VAT1L: variants seen among roughly 807,000 people sequenced by gnomAD.
VAT1L encodes vesicle amine transport 1 like.
Under a neutral mutation model 44.1 loss-of-function variants are expected in VAT1L, and 34 were observed. That is an observed-to-expected ratio of 0.77 (90% CI 0.59 to 1.03). The LOEUF is 1.03. Among genes scored for constraint, VAT1L ranks in the 50% least tolerant of loss-of-function variants. The pLI, the probability that VAT1L is intolerant of heterozygous loss-of-function variation, is 0.00. For missense variants in VAT1L, 615 were observed against 538.8 expected (o/e 1.14, Z -1.40); for synonymous variants, 253 against 202.2 (o/e 1.25, Z -2.13).
At chr16:77,901,572 A>AC (rs2017383944) in intron 7 of VAT1L, among the ~76,000 whole-genome samples, 1 of 152,186 alleles carries the variant, frequency 6.6e-6, no homozygotes, top group African/African-American at 2.4e-5. Context: ...AGTGCCTCTT[A>AC]CTTAGTCTCC....
intron 4 of VAT1L, among the ~76,000 whole-genome samples, chr16:77,872,786 C>T (rs1012960444): frequency 3.9e-5 from 6 of 152,208 alleles, no homozygotes; most frequent in Non-Finnish European, 8.8e-5. Context: ...CCTTGTACAC[C>T]ATGAGCTCCT....
Position 77,977,923 on chromosome 16 carries a change from C to G in VAT1L, c.*228C>G, listed in dbSNP as rs113048595. 27 of 484,196 alleles carry G rather than the reference C, an allele frequency of 5.6e-5. No individual in the cohort carries two copies. The highest frequency in any genetic ancestry group is 6.0e-4 in the Middle Eastern group (1 of 1,654). 30.0% of individuals were successfully genotyped at this position (484,196 alleles called of 1,614,324 possible). Reference sequence around the variant, plus strand: ...ATCTGTGTATTACACATTCCCCTCTCCCCTGTATCAAAACCATCCATCTGT... The same window carrying G: ...ATCTGTGTATTACACATTCCCCTCTGCCCTGTATCAAAACCATCCATCTGT... On this transcript the variant is annotated 3_prime_UTR_variant, in exon 9 of 9. Transcript: ENST00000302536.
At position 77,834,253 on chromosome 16, in the gene VAT1L, C is replaced by T. The variant is rs967326170; in HGVS notation, c.579+8792C>T. Among the ~76,000 whole-genome samples, 54 of 152,236 alleles carry T rather than the reference C, an allele frequency of 3.5e-4. 1 individual carries two copies. The highest frequency in any genetic ancestry group is 1.2e-3 in the African/African-American group (51 of 41,548). ...CTATTTCTCCTTACTTCAGTAATAC[C>T]GAAGGACTTGCAGCCTCTGTAAGGT... On this transcript the variant is annotated intron_variant, in intron 3 of 8. Coordinates refer to ENST00000302536, the MANE Select transcript of VAT1L (RefSeq NM_020927.3).
intron 7 of VAT1L, among the ~76,000 whole-genome samples, chr16:77,925,254 A>T (rs2017653532): frequency 6.6e-6 from 1 of 151,904 alleles, no homozygotes; most frequent in African/African-American, 2.4e-5. Context: ...TAAATTTTAC[A>T]CCCCCTGGTC....
chr16:77,892,457 C>T (rs530652532), intron 7 of VAT1L: 12 of 501,522 alleles, frequency 2.4e-5, no homozygotes, highest in South Asian at 1.1e-4. Flanking sequence ...GTTGACAGTG[C>T]GGTTGATGGT....
chr16:77,902,726 G>A (rs1487821032), intron 7 of VAT1L, among the ~76,000 whole-genome samples: 1 of 87,076 alleles, frequency 1.1e-5, no homozygotes, highest in East Asian at 4.1e-4. Flanking sequence ...GAGGCCGATG[G>A]GGGGGTGGGG....
At chr16:77,809,232 T>C (rs2016221026) in intron 1 of VAT1L, among the ~76,000 whole-genome samples, 1 of 152,224 alleles carries the variant, frequency 6.6e-6, no homozygotes, top group Non-Finnish European at 1.5e-5. Context: ...TTGTTTATGG[T>C]TGTTGTAAAA....
intron 7 of VAT1L, among the ~76,000 whole-genome samples, chr16:77,915,161 C>T (rs183979505): frequency 9.2e-5 from 14 of 152,022 alleles, no homozygotes; most frequent in Non-Finnish European, 1.6e-4. Context: ...GAATGCAACT[C>T]AATTTGTCAA....
At chr16:77,838,372 T>C (rs1445587407) in intron 3 of VAT1L, among the ~76,000 whole-genome samples, 1 of 152,216 alleles carries the variant, frequency 6.6e-6, no homozygotes, top group African/African-American at 2.4e-5. Flanking sequence ...GCGTGGTCTC[T>C]GTTCTCACTG....
At chr16:77,832,968 A>G (rs866193900) in intron 3 of VAT1L, among the ~76,000 whole-genome samples, 36 of 152,338 alleles carry the variant, frequency 2.4e-4, no homozygotes, top group African/African-American at 8.4e-4. Flanking sequence ...GCATCACCGC[A>G]GGAGTATATT....
intron 4 of VAT1L, among the ~76,000 whole-genome samples, chr16:77,873,821 G>C (rs113182282): frequency 1.3e-5 from 2 of 152,278 alleles, no homozygotes; most frequent in African/African-American, 2.4e-5. Flanking sequence ...GGGATAGGCT[G>C]TCCAGGCAGA....
intron 3 of VAT1L, among the ~76,000 whole-genome samples, chr16:77,860,769 T>C (rs1423750043): frequency 6.6e-6 from 1 of 152,322 alleles, no homozygotes; most frequent in Admixed American, 6.5e-5. Flanking sequence ...ATCAATGCTA[T>C]TCTTAGGACA....
At chr16:77,901,271 C>A (rs1298082262) in intron 7 of VAT1L, among the ~76,000 whole-genome samples, 7 of 146,646 alleles carry the variant, frequency 4.8e-5, no homozygotes, top group Non-Finnish European at 7.4e-5. Context: ...TCATGCCATT[C>A]TCCTGCCTCA....
chr16:77,836,544 C>T (rs2016640747), intron 3 of VAT1L, among the ~76,000 whole-genome samples: 1 of 152,216 alleles, frequency 6.6e-6, no homozygotes, highest in Non-Finnish European at 1.5e-5. Flanking sequence ...GGGAAACAGG[C>T]CTTTGCCTTC....
intron 7 of VAT1L, among the ~76,000 whole-genome samples, chr16:77,918,415 A>T (rs1349335910): frequency 6.6e-6 from 1 of 152,102 alleles, no homozygotes; most frequent in Non-Finnish European, 1.5e-5. Context: ...AGTCTCTTGA[A>T]TCTAGTCCTT....
intron 1 of VAT1L, chr16:77,800,431 A>C (rs1227051959): frequency 1.3e-5 from 2 of 152,198 alleles, no homozygotes; most frequent in African/African-American, 4.8e-5. Flanking sequence ...ATGGATGTTA[A>C]AATCATAAAC....
Position 77,900,143 on chromosome 16 carries a change from T to TA in VAT1L, c.1077+15342dup, listed in dbSNP as rs775822003. ...CCACAGAGATAGGCAGGACAGGTGTTATGTTCATTACACAGATATGTGTGT... is the reference window on the plus strand; with the variant it reads ...CCACAGAGATAGGCAGGACAGGTGTTAATGTTCATTACACAGATATGTGTGT... On this transcript the variant is annotated intron_variant, in intron 7 of 8. Coordinates refer to ENST00000302536, the MANE Select transcript of VAT1L (RefSeq NM_020927.3). Among the ~76,000 whole-genome samples, 12 of 152,314 alleles carry TA rather than the reference T, an allele frequency of 7.9e-5. No homozygotes were observed. The East Asian group carries it at 2.1e-3, about 27-fold the overall frequency.
In VAT1L at chr16:77,977,802, CGT is replaced by C; in HGVS notation, c.*110_*111del. ...ACAAATGCTGTAGTCCAGTGCGTGT[CGT>C]GTTTGTCTGCAGTCAGCTGAGCTAA... is the stretch of plus-strand genomic sequence containing the variant. On this transcript the variant is annotated 3_prime_UTR_variant, in exon 9 of 9. Transcript: ENST00000302536. The C allele has an allele frequency of 1.8e-6, 2 of 1,098,084 alleles. No homozygotes were observed. The highest frequency in any genetic ancestry group is 5.2e-5 in the East Asian group (2 of 38,474). 68.0% of individuals were successfully genotyped at this position (1,098,084 alleles called of 1,614,324 possible).
At chr16:77,872,416 C>A (rs1228927952) in intron 4 of VAT1L, among the ~76,000 whole-genome samples, 1 of 152,052 alleles carries the variant, frequency 6.6e-6, no homozygotes, top group Non-Finnish European at 1.5e-5. Context: ...TGTCACCTGG[C>A]CAATTTCTGC....
Sources: gnomAD v4.1 joint callset for allele counts (sites outside exome capture counted in the v4.1 genomes callset) on GRCh38, gnomAD v4.1.1 for gene constraint, MANE v1.5 for transcripts, NCBI Gene and HGNC (gene_info 2026-07-23, HGNC 2026-07-21) for gene names.